CPNE9: variants seen among roughly 807,000 people sequenced by gnomAD.
CPNE9 encodes the protein copine family member 9.
Under a neutral mutation model 83.0 loss-of-function variants are expected in CPNE9, and 59 were observed. The observed-to-expected ratio is 0.71, with a 90% CI of 0.58 to 0.88. CPNE9 has a LOEUF of 0.88. Among genes scored for constraint, CPNE9 ranks in the 40% least tolerant of loss-of-function variants. The pLI is 0.00. For missense variants in CPNE9, 619 were observed against 720.8 expected (o/e 0.86, Z 1.62); for synonymous variants, 256 against 273.4 (o/e 0.94, Z 0.63).
intron 13 of CPNE9, among the ~76,000 whole-genome samples, 183 bp from the exon 14 acceptor site, chr3:9,715,791 T>C (rs979026536): frequency 6.6e-6 from 1 of 152,264 alleles, no homozygotes; most frequent in Non-Finnish European, 1.5e-5. Context: ...AATCCAACGA[T>C]GTTTCTGACA....
intron 20 of CPNE9, among the ~76,000 whole-genome samples, chr3:9,728,029 TGGGTG>T (rs1559647679): frequency 6.6e-6 from 1 of 152,158 alleles, no homozygotes; most frequent in Non-Finnish European, 1.5e-5. Flanking sequence ...CTTAAGCAAC[TGGGTG>T]AGTGACATCC....
At chr3:9,714,009 C>T (rs2076654588) in intron 10 of CPNE9, among the ~76,000 whole-genome samples, 1 of 151,930 alleles carries the variant, frequency 6.6e-6, no homozygotes, top group South Asian at 2.1e-4. Context: ...GGAAGTGGAG[C>T]TTACAGTGAG....
At chr3:9,727,084 A>G (rs1345285944) in intron 19 of CPNE9, 29 bp from the exon 20 acceptor site, 12 of 1,613,332 alleles carry the variant, frequency 7.4e-6, no homozygotes, top group East Asian at 2.2e-5. Flanking sequence ...GGAGAGGCCA[A>G]TCAGCTGAGG....
Position 9,704,458 on chromosome 3 carries a change from TGG to T in CPNE9, c.69-125_69-124del. 1 of 832,296 alleles carries T rather than the reference TGG, an allele frequency of 1.2e-6. No individual in the cohort carries two copies. Among genetic ancestry groups the T allele is most frequent in the Non-Finnish European group, 2.1e-6 (1 of 472,358 alleles). The allele number at this position is 832,296 out of a possible 1,614,324, so 51.6% of individuals were successfully genotyped here. A position where few individuals can be genotyped will look rare whatever the true frequency, so the allele number is the denominator to read the frequency against. On this transcript the variant is annotated intron_variant, in intron 1 of 20. Transcript: ENST00000383832. This position sits in a 1 kb window ranked among gnomAD's most constrained non-coding sequence, Gnocchi z 7.1. ...GAGTGCTGACAGAGCGGACCCCGGC[TGG>T]GGGTAGCCATGGGGGACAGAGGTTC...
chr3:9,716,144 G>C (rs754692286), intron 14 of CPNE9, 109 bp downstream of exon 14: 37 of 953,714 alleles, frequency 3.9e-5, no homozygotes, highest in Non-Finnish European at 6.0e-5. Flanking sequence ...AGACCATGGA[G>C]ATAAACTTTA....
chr3:9,727,220 G>A (rs2125477530), intron 20 of CPNE9, 34 bp downstream of exon 20: 2 of 1,611,600 alleles, frequency 1.2e-6, no homozygotes, highest in East Asian at 2.2e-5. Flanking sequence ...GTGGAGCTGA[G>A]AGGCACAGTG....
chr3:9,715,568 G>A (rs377739390), intron 13 of CPNE9, 42 bp downstream of exon 13: 86 of 1,537,342 alleles, frequency 5.6e-5, no homozygotes, highest in Non-Finnish European at 7.2e-5. Flanking sequence ...GGATCCTTCC[G>A]TGTCTGTCCC....
rs751420010 is a variant in CPNE9 at position 9,705,721 on chromosome 3, G to A, written c.300+1G>A. The A allele has an allele frequency of 1.9e-6, 3 of 1,613,986 alleles. No homozygotes were observed. The highest frequency in any genetic ancestry group is 2.7e-5 in the African/African-American group (2 of 75,024). ...CTGCCACTGCTGGGACCTGCAGAAG[G>A]TGAGGCTGAATGGGGCTGGGCAGAG... On this transcript the variant is annotated splice_donor_variant, in intron 6 of 20. Transcript: ENST00000383832. LOFTEE classifies it high-confidence loss of function.
At chr3:9,709,424 T>C (rs946197791) in intron 7 of CPNE9, among the ~76,000 whole-genome samples, 5 of 144,490 alleles carry the variant, frequency 3.5e-5, no homozygotes, top group African/African-American at 1.3e-4. Flanking sequence ...AGTGCAGTGG[T>C]GTGGTGTGAT....
In CPNE9 at chr3:9,704,490, C is replaced by CG; in HGVS notation, c.69-94dup. 9.7e-7 allele frequency: 1 copy of CG among 1,035,250 alleles called. No individual in the cohort carries two copies. Among genetic ancestry groups the CG allele is most frequent in the East Asian group, 2.4e-5 (1 of 42,310 alleles). 64.1% of individuals were successfully genotyped at this position (1,035,250 alleles called of 1,614,324 possible). ...AGCCATGGGGGACAGAGGTTCGATG[C>CG]GGGCCCCATGCCTCTCCTCAGTGCC... On this transcript the variant is annotated intron_variant, in intron 1 of 20. Transcript: ENST00000383832. The surrounding 1 kb of genome is among the most constrained non-coding windows in gnomAD (Gnocchi z 7.1).
intron 19 of CPNE9, 60 bp from the exon 20 acceptor site, chr3:9,727,053 G>A (rs2076790731): frequency 6.4e-7 from 1 of 1,574,180 alleles, no homozygotes; most frequent in Non-Finnish European, 8.7e-7. Context: ...TCAAAGGGAG[G>A]GGGCAGCATG....
intron 17 of CPNE9, among the ~76,000 whole-genome samples, chr3:9,723,835 C>G (rs115733803): frequency 0.012 from 1,763 of 152,330 alleles, 9 homozygotes; most frequent in Non-Finnish European, 0.018. Flanking sequence ...TGAGCCACCC[C>G]ACCTGTCCCC....
At position 9,703,908 on chromosome 3, in the gene CPNE9, C is replaced by T. The variant is rs866235033; in HGVS notation, c.-89C>T. ...GCCGCCGCCGCCGCCGACACCGCGG[C>T]ACATGGGCCGGCCCCGCCGCTGCCG... On this transcript the variant is annotated 5_prime_UTR_variant, in exon 1 of 21. Coordinates refer to ENST00000383832, the MANE Select transcript of CPNE9 (RefSeq NM_153635.3). 2.4e-5 allele frequency: 27 copies of T among 1,120,356 alleles called. No homozygotes were observed. The Middle Eastern group carries it at 1.8e-3, about 74-fold the overall frequency. The allele number at this position is 1,120,356 out of a possible 1,614,324, so 69.4% of individuals were successfully genotyped here.
intron 7 of CPNE9, among the ~76,000 whole-genome samples, chr3:9,710,492 G>C (rs953939879): frequency 7.9e-5 from 12 of 152,166 alleles, no homozygotes; most frequent in African/African-American, 2.7e-4. Flanking sequence ...TAGGGGTTGA[G>C]GAGAAAGAAG....
intron 17 of CPNE9, among the ~76,000 whole-genome samples, chr3:9,725,740 T>C (rs2076778941): frequency 7.7e-6 from 1 of 129,346 alleles, no homozygotes; most frequent in Non-Finnish European, 1.7e-5. Context: ...ATTTCATATA[T>C]ATGTATATAT....
chr3:9,729,584 G>A lies in CPNE9; in HGVS notation c.1554G>A (p.Leu518=). 1 of 1,614,150 alleles carries A rather than the reference G, an allele frequency of 6.2e-7. No individual in the cohort carries two copies. ...TGGCCCGACTGGCCAAGGATGTGCT[G>A]GCCGAGATCCCGGAGCAGCTGCTGT... The part of the protein sequence containing the change: ...LSMARLAKDV[L]AEIPEQLLSY... Residue 518 remains leucine, a synonymous_variant, in exon 21 of 21, where the codon CTG becomes CTA. Transcript: ENST00000383832.
rs778873960 is a variant in CPNE9 at position 9,718,201 on chromosome 3, G to A, written c.1104G>A (p.Gln368=). 2.2e-5 allele frequency: 35 copies of A among 1,610,900 alleles called. No homozygotes were observed. Among genetic ancestry groups the A allele is most frequent in the Non-Finnish European group, 2.9e-5 (34 of 1,178,286 alleles). Residue 368 remains glutamine, a synonymous_variant, in exon 16 of 21, where the codon CAG becomes CAA. Transcript: ENST00000383832. The part of the protein sequence containing the change: ...KLPPEGRISH[Q]FPLNNNDEDP... ...CCCCAGAGGGACGGATCTCCCACCAGTTCCCCCTGGTATGGTATTGGCCAG... is the reference window on the plus strand; with the variant it reads ...CCCCAGAGGGACGGATCTCCCACCAATTCCCCCTGGTATGGTATTGGCCAG...
chr3:9,715,855 C>T (rs1301822834), intron 13 of CPNE9, 119 bp from the exon 14 acceptor site: 10 of 789,032 alleles, frequency 1.3e-5, no homozygotes, highest in African/African-American at 1.7e-5. Context: ...ACTGGGGGAG[C>T]GGGTGGAATC....
chr3:9,704,912 G>A lies in CPNE9; in HGVS notation c.178G>A (p.Asp60Asn), dbSNP rs1475410558. The A allele has an allele frequency of 6.2e-7, 1 of 1,613,406 alleles. No individual in the cohort carries two copies. Among genetic ancestry groups the A allele is most frequent in the Admixed American group, 1.7e-5 (1 of 59,978 alleles). The change falls in exon 4 of 21, where the codon GAT (aspartate) becomes AAT (asparagine). Residue 60 changes from aspartate (D) to asparagine (N), a missense_variant. By Grantham distance (23) the Asp-to-Asn change is conservative. Coordinates refer to ENST00000383832, the MANE Select transcript of CPNE9 (RefSeq NM_153635.3). The surrounding 1 kb of genome is among the most constrained non-coding windows in gnomAD (Gnocchi z 7.1). ...WREFGRTEVI[D>N]NTLNPDFVRK... ...CCAGTTCGGACGGACCGAGGTGATT[G>A]ATAACACGCTGAACCCAGACTTCGT...
Sources: allele counts gnomAD v4.1 joint callset (sites outside exome capture counted in the v4.1 genomes callset), GRCh38; gene constraint gnomAD v4.1.1; non-coding constraint Gnocchi (gnomAD v3.1); transcripts MANE v1.5; gene names NCBI Gene and HGNC (gene_info 2026-07-23, HGNC 2026-07-21).